The following NCAM2 variants were observed in gnomAD, a reference collection of about 807,000 sequenced individuals.
The protein encoded by NCAM2 is N-CAM-2.
In NCAM2, 30 loss-of-function variants were observed where a neutral mutation model predicts 98.1. The observed-to-expected ratio is 0.31, with a 90% confidence interval of 0.23 to 0.41. NCAM2 has a LOEUF of 0.41. Ranked by LOEUF, NCAM2 falls within the 10% of genes least tolerant of loss-of-function variation. NCAM2 has a pLI of 1.00. For missense variants in NCAM2, 867 were observed against 1,005.8 expected, an observed-to-expected ratio of 0.86 and a Z score of 1.87; for synonymous variants, 368 against 342.4, an observed-to-expected ratio of 1.07 and a Z score of -0.83.
At chr21:21,154,560 G>C (rs1465237354) in intron 1 of NCAM2, among the ~76,000 whole-genome samples, 1 of 151,738 alleles carries the variant, frequency 6.6e-6, no homozygotes, top group Non-Finnish European at 1.5e-5. Context: ...ATAAAGGAAA[G>C]ACACAAAACG....
At chr21:21,331,659 G>A (rs1344068465) in intron 6 of NCAM2, among the ~76,000 whole-genome samples, 1 of 121,662 alleles carries the variant, frequency 8.2e-6, no homozygotes, top group Non-Finnish European at 1.7e-5. Flanking sequence ...GTGCGATCTT[G>A]GCCCACTGCA....
chr21:21,238,981 T>A (rs751901113), intron 1 of NCAM2, among the ~76,000 whole-genome samples: 16 of 152,178 alleles, frequency 1.1e-4, no homozygotes, highest in Non-Finnish European at 1.8e-4. Context: ...TTGGACTAAA[T>A]GAAATTAGAT....
intron 1 of NCAM2, among the ~76,000 whole-genome samples, chr21:21,171,334 T>C (rs2068117304): frequency 6.6e-6 from 1 of 152,236 alleles, no homozygotes; most frequent in Non-Finnish European, 1.5e-5. Flanking sequence ...TGAACACTCA[T>C]GTTTGCTAGG....
Position 21,415,365 on chromosome 21 carries a change from G to GTCTTGC in NCAM2, c.1384-3104_1384-3099dup, listed in dbSNP as rs2076971517. ...TTTTTTTTTTTTTTTTTGAGACAGG[G>GTCTTGC]TCTTGCTCTGTCGCCCAGGCTGTGT... is the stretch of plus-strand genomic sequence containing the variant. On this transcript the variant is annotated intron_variant, in intron 10 of 17. Transcript: ENST00000400546. Among the ~76,000 whole-genome samples the GTCTTGC allele has an allele frequency of 3.3e-5, 4 of 121,698 alleles. No homozygotes were observed. In the South Asian group the frequency reaches 8.0e-4, roughly 24 times the overall value. 79.8% of individuals were successfully genotyped at this position (121,698 alleles called of 152,430 possible). A position where few individuals can be genotyped will look rare whatever the true frequency, so the allele number is the denominator to read the frequency against.
intron 16 of NCAM2, among the ~76,000 whole-genome samples, chr21:21,524,934 A>C (rs1428294259): frequency 1.3e-5 from 2 of 152,184 alleles, no homozygotes; most frequent in Non-Finnish European, 2.9e-5. Flanking sequence ...AAAAAATCTC[A>C]AAAGAAATTT....
chr21:21,445,276 A>G (rs567840865), intron 12 of NCAM2, among the ~76,000 whole-genome samples: 10 of 152,176 alleles, frequency 6.6e-5, no homozygotes, highest in South Asian at 6.2e-4. Flanking sequence ...TTTAGAATAA[A>G]TGCCATATGG....
At chr21:21,105,389 C>A (rs1179115636) in intron 1 of NCAM2, among the ~76,000 whole-genome samples, 1 of 151,970 alleles carries the variant, frequency 6.6e-6, no homozygotes, top group East Asian at 1.9e-4. Flanking sequence ...GGATGTCAAG[C>A]TAAAAGGAGT....
At chr21:21,370,976 A>G (rs1337007802) in intron 8 of NCAM2, among the ~76,000 whole-genome samples, 2 of 151,890 alleles carry the variant, frequency 1.3e-5, no homozygotes, top group Non-Finnish European at 2.9e-5. Flanking sequence ...GGAGGACCTA[A>G]TAAGAAAACT....
At chr21:21,364,929 A>C (rs1314710145) in intron 8 of NCAM2, among the ~76,000 whole-genome samples, 1 of 152,120 alleles carries the variant, frequency 6.6e-6, no homozygotes, top group Non-Finnish European at 1.5e-5. Flanking sequence ...AACAAAATGT[A>C]CAATGTGATG....
At chr21:21,302,895 A>T (rs542074142) in intron 5 of NCAM2, among the ~76,000 whole-genome samples, 4 of 152,292 alleles carry the variant, frequency 2.6e-5, no homozygotes, top group Admixed American at 2.6e-4. Flanking sequence ...TGTATTACAT[A>T]TGCAACATGA....
intron 1 of NCAM2, among the ~76,000 whole-genome samples, chr21:21,129,823 G>T (rs2066899387): frequency 6.6e-6 from 1 of 152,180 alleles, no homozygotes; most frequent in African/African-American, 2.4e-5. Flanking sequence ...TTCATTGTAT[G>T]ATGAATCTGT....
chr21:21,284,174 T>G lies in NCAM2; in HGVS notation c.131-20T>G. 6.3e-7 allele frequency: 1 copy of G among 1,583,136 alleles called. No homozygotes were observed. The highest frequency in any genetic ancestry group is 8.7e-7 in the Non-Finnish European group (1 of 1,152,650). On this transcript the variant is annotated intron_variant, in intron 2 of 17. Coordinates refer to ENST00000400546, the MANE Select transcript of NCAM2 (RefSeq NM_004540.5). ...ATTTTTAACAATTTTCAAACCTTTA[T>G]TTTCCATGGCTCTTTGCAGCGATTG... is the stretch of plus-strand genomic sequence containing the variant.
chr21:21,416,353 A>G (rs181179339), intron 10 of NCAM2, among the ~76,000 whole-genome samples: 1 of 152,322 alleles, frequency 6.6e-6, no homozygotes, highest in Non-Finnish European at 1.5e-5. Context: ...AGATCACCAT[A>G]GCAAATTTAA....
intron 1 of NCAM2, among the ~76,000 whole-genome samples, chr21:21,025,185 A>T (rs1276361948): frequency 6.6e-6 from 1 of 151,736 alleles, no homozygotes; most frequent in South Asian, 2.1e-4. Flanking sequence ...TCCCGGGTTC[A>T]TGCCATTCTC....
intron 1 of NCAM2, among the ~76,000 whole-genome samples, chr21:21,199,728 A>G (rs58492151): frequency 0.012 from 1,802 of 152,286 alleles, 33 homozygotes; most frequent in African/African-American, 0.042. Context: ...GTCCAGTATA[A>G]TAGGATAGGC....
chr21:21,072,861 G>GT (rs1204902762), intron 1 of NCAM2, among the ~76,000 whole-genome samples: 1 of 152,104 alleles, frequency 6.6e-6, no homozygotes, highest in African/African-American at 2.4e-5. Context: ...ATTTTGAAGT[G>GT]TGTAGTTCAG....
chr21:21,184,821 G>T (rs1225710464), intron 1 of NCAM2, among the ~76,000 whole-genome samples: 2 of 152,032 alleles, frequency 1.3e-5, no homozygotes. Context: ...CTATTTCTAG[G>T]AAGAGAAAAT....
intron 1 of NCAM2, among the ~76,000 whole-genome samples, chr21:21,093,882 G>A (rs1351397586): frequency 6.6e-6 from 1 of 151,852 alleles, no homozygotes; most frequent in Non-Finnish European, 1.5e-5. Flanking sequence ...TGCCTAGAAT[G>A]CTCACACTTT....
At chr21:21,018,384 T>C (rs1282841479) in intron 1 of NCAM2, among the ~76,000 whole-genome samples, 1 of 152,236 alleles carries the variant, frequency 6.6e-6, no homozygotes, top group African/African-American at 2.4e-5. Flanking sequence ...GAATTCTTCA[T>C]TTCAGTTTCT....
Sources: gnomAD v4.1 joint callset for allele counts (sites outside exome capture counted in the v4.1 genomes callset) on GRCh38, gnomAD v4.1.1 for gene constraint, MANE v1.5 for transcripts, NCBI Gene and HGNC (gene_info 2026-07-23, HGNC 2026-07-21) for gene names.